Variants in RBFOX1 observed in about 807,000 individuals in gnomAD.
The protein encoded by RBFOX1 is RNA binding fox-1 homolog 1, also known as RNA binding protein fox-1 homolog 1.
Under a neutral mutation model 57.7 loss-of-function variants are expected in RBFOX1, and 8 were observed. The observed-to-expected ratio is 0.14, with a 90% CI of 0.08 to 0.25. The LOEUF (loss-of-function observed/expected upper bound fraction) is 0.25, where lower values mean the gene tolerates loss of function less well. RBFOX1 is among the 10% of genes least tolerant of loss of function. The pLI is 1.00. For synonymous variants in RBFOX1, 326 were observed against 222.4 expected (o/e 1.47, Z -4.15); for missense variants, 611 against 548.5 (o/e 1.11, Z -1.14).
In RBFOX1 at chr16:6,548,825, T is replaced by C. The variant is rs181520580; in HGVS notation, c.-63-105778T>C. Among the ~76,000 whole-genome samples the C allele has an allele frequency of 5.4e-3, 820 of 151,998 alleles. 2 individuals are homozygous for C. Among genetic ancestry groups the C allele is most frequent in the Middle Eastern group, 6.8e-3 (2 of 292 alleles). ...GTGCAGTGGCTTGCGCCTGTAATCC[T>C]AGCACTTTGGGAGGCCAAGGTGTGT... On this transcript the variant is annotated intron_variant, in intron 2 of 15. Transcript: ENST00000550418.
intron 2 of RBFOX1, among the ~76,000 whole-genome samples, chr16:6,540,402 A>G (rs1036762624): frequency 1.3e-5 from 2 of 151,938 alleles, no homozygotes; most frequent in African/African-American, 4.8e-5. Flanking sequence ...TTACAAGGTC[A>G]GGAGATCGAG....
chr16:5,768,515 C>T (rs577608560), intron 3 of RBFOX1, among the ~76,000 whole-genome samples: 94 of 152,308 alleles, frequency 6.2e-4, no homozygotes, highest in African/African-American at 2.2e-3. Context: ...GTGCAAAATG[C>T]AGAATACCAT....
chr16:6,612,981 GA>G (rs1271848906), intron 2 of RBFOX1, among the ~76,000 whole-genome samples: 3 of 151,420 alleles, frequency 2.0e-5, no homozygotes, highest in Admixed American at 6.6e-5. Context: ...CCAAGTGAGA[GA>G]AGGCAGGTGC....
chr16:5,383,399 C>T (rs1361177417), intron 1 of RBFOX1, among the ~76,000 whole-genome samples: 1 of 152,172 alleles, frequency 6.6e-6, no homozygotes, highest in African/African-American at 2.4e-5. Flanking sequence ...CTCCTCTAAC[C>T]CAAGGCAGCA....
intron 3 of RBFOX1, among the ~76,000 whole-genome samples, chr16:6,919,024 A>C (rs773240198): frequency 6.6e-6 from 1 of 152,158 alleles, no homozygotes; most frequent in Non-Finnish European, 1.5e-5. Flanking sequence ...TCATTCATCC[A>C]GGCTGGAGTG....
At chr16:6,464,224 C>T (rs1457463290) in intron 2 of RBFOX1, among the ~76,000 whole-genome samples, 5 of 152,022 alleles carry the variant, frequency 3.3e-5, no homozygotes, top group Non-Finnish European at 5.9e-5. Flanking sequence ...TAACAAGTTG[C>T]TAATAGCCAT....
intron 3 of RBFOX1, among the ~76,000 whole-genome samples, chr16:6,912,471 C>G (rs1191673923): frequency 3.3e-5 from 5 of 152,114 alleles, no homozygotes; most frequent in African/African-American, 1.2e-4. Context: ...AGCCCTGCGG[C>G]TCAGATAGAT....
chr16:6,689,981 T>C (rs1267530028), intron 3 of RBFOX1, among the ~76,000 whole-genome samples: 1 of 152,228 alleles, frequency 6.6e-6, no homozygotes, highest in Non-Finnish European at 1.5e-5. Context: ...GGCAAGCTGA[T>C]AGAAAATCAG....
chr16:7,164,116 C>T (rs1210505586), intron 4 of RBFOX1, among the ~76,000 whole-genome samples: 3 of 152,106 alleles, frequency 2.0e-5, no homozygotes, highest in Non-Finnish European at 2.9e-5. Flanking sequence ...CCCTCACCCC[C>T]TCCCACCCTT....
At chr16:6,885,515 C>T (rs1300607069) in intron 3 of RBFOX1, among the ~76,000 whole-genome samples, 2 of 151,082 alleles carry the variant, frequency 1.3e-5, no homozygotes, top group African/African-American at 4.9e-5. Context: ...AAATCTACTT[C>T]TGCATTTTAT....
rs139996811 is a variant in RBFOX1, at chr16:6,106,466, C to CAAAAAAAAAAAAAAA, written c.-127+86479_-127+86480insAAAAAAAAAAAAAAA. 1.8e-5 allele frequency among the ~76,000 whole-genome samples: 2 copies of CAAAAAAAAAAAAAAA among 109,450 alleles called. 1 individual carries two copies. The highest frequency in any genetic ancestry group is 8.1e-5 in the African/African-American group (2 of 24,542). The allele number at this position is 109,450 out of a possible 152,430, so 71.8% of individuals were successfully genotyped here. ...GGGCAAAAAGAGTGAGTATCTGTCT[C>CAAAAAAAAAAAAAAA]AAAAATAAAAAAAAAAAAAGGTAGT... On this transcript the variant is annotated intron_variant, in intron 1 of 15. Coordinates refer to ENST00000550418, the MANE Select transcript of RBFOX1 (RefSeq NM_018723.4).
At chr16:5,912,325 G>A (rs554274069) in intron 4 of RBFOX1, among the ~76,000 whole-genome samples, 5 of 152,276 alleles carry the variant, frequency 3.3e-5, no homozygotes, top group South Asian at 4.1e-4. Context: ...AATGTTAGCC[G>A]TTGTTTTCCG....
intron 1 of RBFOX1, among the ~76,000 whole-genome samples, chr16:5,417,286 A>C (rs1409589160): frequency 6.6e-6 from 1 of 152,222 alleles, no homozygotes; most frequent in Non-Finnish European, 1.5e-5. Flanking sequence ...GTCCGAACGT[A>C]ATTTAATGAG....
At chr16:6,966,910 TCC>T (rs1440437138) in intron 3 of RBFOX1, among the ~76,000 whole-genome samples, 3 of 151,130 alleles carry the variant, frequency 2.0e-5, no homozygotes, top group Non-Finnish European at 2.9e-5. Flanking sequence ...CATCCATCCA[TCC>T]ATCCATCCAT....
At chr16:6,901,539 G>C (rs1015856591) in intron 3 of RBFOX1, among the ~76,000 whole-genome samples, 1 of 152,114 alleles carries the variant, frequency 6.6e-6, no homozygotes, top group Non-Finnish European at 1.5e-5. Flanking sequence ...AGCAAATCCA[G>C]AGAAGATTTT....
intron 1 of RBFOX1, among the ~76,000 whole-genome samples, chr16:6,295,090 A>C (rs1299522866): frequency 7.1e-6 from 1 of 140,828 alleles, no homozygotes; most frequent in African/African-American, 2.6e-5. Flanking sequence ...AAGAGCTCTT[A>C]AGCAGTGAGT....
At chr16:5,528,600 C>T (rs553174898) in intron 2 of RBFOX1, among the ~76,000 whole-genome samples, 20 of 131,556 alleles carry the variant, frequency 1.5e-4, no homozygotes, top group African/African-American at 5.4e-4. Context: ...AATTCATTCT[C>T]TCTCTCTCTT....
At chr16:7,192,138 A>C (rs922447480) in intron 4 of RBFOX1, among the ~76,000 whole-genome samples, 5 of 152,110 alleles carry the variant, frequency 3.3e-5, no homozygotes, top group African/African-American at 9.7e-5. Flanking sequence ...TGGTGGGGGA[A>C]GGGGGTAGGT....
At chr16:5,933,415 T>A (rs3890222) in intron 4 of RBFOX1, among the ~76,000 whole-genome samples, 1 of 151,934 alleles carries the variant, frequency 6.6e-6, no homozygotes. Flanking sequence ...CCTGCCAGAG[T>A]GGCTCCGACA....
Sources: gnomAD v4.1 joint callset for allele counts (sites outside exome capture counted in the v4.1 genomes callset) on GRCh38, gnomAD v4.1.1 for gene constraint, MANE v1.5 for transcripts, NCBI Gene and HGNC (gene_info 2026-07-23, HGNC 2026-07-21) for gene names.